CAMK1D: variants seen among roughly 807,000 people sequenced by gnomAD.
The protein encoded by CAMK1D is calcium/calmodulin-dependent protein kinase type 1D.
Under a neutral mutation model 47.7 loss-of-function variants are expected in CAMK1D, and 9 were observed. The ratio of observed to expected loss-of-function variants is 0.19; its 90% CI spans 0.11 to 0.33. The LOEUF is 0.33. Ranked by LOEUF, CAMK1D falls within the 10% of genes least tolerant of loss-of-function variation. The pLI is 1.00. For missense variants in CAMK1D, 291 were observed against 488.7 expected, an observed-to-expected ratio of 0.60 and a Z score of 3.81; for synonymous variants, 184 against 184.9, an observed-to-expected ratio of 0.99 and a Z score of 0.04.
chr10:12,675,924 G>A (rs1840792382), intron 3 of CAMK1D, among the ~76,000 whole-genome samples: 2 of 151,938 alleles, frequency 1.3e-5, no homozygotes, highest in African/African-American at 2.4e-5. Context: ...TGCTGGAATC[G>A]CTTATCTTTT....
intron 2 of CAMK1D, among the ~76,000 whole-genome samples, chr10:12,587,095 T>C (rs1359274110): frequency 2.6e-5 from 4 of 152,204 alleles, no homozygotes; most frequent in Admixed American, 6.5e-5. Context: ...TTGAGGCTCC[T>C]CCTTGGTAAG....
chr10:12,622,898 C>T (rs1588700090), intron 2 of CAMK1D, among the ~76,000 whole-genome samples: 1 of 151,972 alleles, frequency 6.6e-6, no homozygotes, highest in Admixed American at 6.6e-5. Flanking sequence ...CCACAACAGT[C>T]AAGGCTTGTG....
intron 5 of CAMK1D, among the ~76,000 whole-genome samples, chr10:12,789,054 G>GA (rs1233633923): frequency 6.6e-6 from 1 of 152,200 alleles, no homozygotes; most frequent in East Asian, 1.9e-4. Context: ...TCTTGCTCAG[G>GA]AATATATTTA....
chr10:12,563,668 A>AGAGAGG (rs201525861), intron 2 of CAMK1D, among the ~76,000 whole-genome samples: 45 of 125,150 alleles, frequency 3.6e-4, no homozygotes, highest in African/African-American at 1.1e-3. Flanking sequence ...AAGGTTTGAG[A>AGAGAGG]GAGAGAGAGA....
chr10:12,601,287 T>G (rs1838296453), intron 2 of CAMK1D, among the ~76,000 whole-genome samples: 1 of 152,116 alleles, frequency 6.6e-6, no homozygotes, highest in Non-Finnish European at 1.5e-5. Context: ...GAGCAAGTTT[T>G]CATTGCATGA....
At chr10:12,383,731 C>G (rs906518786) in intron 1 of CAMK1D, among the ~76,000 whole-genome samples, 2 of 152,192 alleles carry the variant, frequency 1.3e-5, no homozygotes, top group African/African-American at 4.8e-5. Context: ...TTTAAAAAGT[C>G]TACTCACAGA....
intron 6 of CAMK1D, among the ~76,000 whole-genome samples, chr10:12,793,589 G>GT (rs1423693793): frequency 6.6e-6 from 1 of 152,046 alleles, no homozygotes; most frequent in Non-Finnish European, 1.5e-5. Context: ...CAACCAATTC[G>GT]TTTCCTGGTG....
At chr10:12,418,962 G>A (rs1329648074) in intron 1 of CAMK1D, among the ~76,000 whole-genome samples, 3 of 152,178 alleles carry the variant, frequency 2.0e-5, no homozygotes, top group African/African-American at 2.4e-5. Context: ...TGGTGTGTCC[G>A]AAGCCGTTGC....
chr10:12,596,421 G>A lies in CAMK1D; in HGVS notation c.224+43065G>A, dbSNP rs532831300. ...GAGGTCCCCAGTTAGAGGTTAGTTGGCAGTTTCTGATTGGTTAGGCTTACA... is the reference window on the plus strand; with the variant it reads ...GAGGTCCCCAGTTAGAGGTTAGTTGACAGTTTCTGATTGGTTAGGCTTACA... On this transcript the variant is annotated intron_variant, in intron 2 of 10. Transcript: ENST00000619168. Among the ~76,000 whole-genome samples the A allele has an allele frequency of 1.2e-4, 18 of 152,230 alleles. No homozygotes were observed. The South Asian group carries it at 3.5e-3, about 30-fold the overall frequency.
chr10:12,659,929 C>T (rs777015023), intron 2 of CAMK1D, among the ~76,000 whole-genome samples: 63 of 152,278 alleles, frequency 4.1e-4, no homozygotes, highest in African/African-American at 5.8e-4. Context: ...GATTGCGGCT[C>T]GTTGACGTAA....
At chr10:12,363,665 GT>G (rs1165886868) in intron 1 of CAMK1D, among the ~76,000 whole-genome samples, 17,931 of 117,094 alleles carry the variant, frequency 0.15, 1,224 homozygotes, top group Middle Eastern at 0.29. Context: ...GTTTCCTAAG[GT>G]TTTTTTTTTT....
intron 1 of CAMK1D, among the ~76,000 whole-genome samples, chr10:12,478,091 C>T (rs1382731670): frequency 6.0e-5 from 9 of 150,430 alleles, no homozygotes; most frequent in East Asian, 2.0e-4. Context: ...CTGCAAGCTC[C>T]GCCTCCCGGG....
chr10:12,554,315 C>T (rs1477235312), intron 2 of CAMK1D, among the ~76,000 whole-genome samples: 1 of 122,712 alleles, frequency 8.1e-6, no homozygotes, highest in African/African-American at 2.7e-5. Flanking sequence ...GCCATCATGC[C>T]CAGCTAATTT....
intron 1 of CAMK1D, among the ~76,000 whole-genome samples, chr10:12,458,385 ATGTGTTCATC>A (rs1833321196): frequency 6.6e-6 from 1 of 152,058 alleles, no homozygotes; most frequent in Non-Finnish European, 1.5e-5. Context: ...ACATATTCCT[ATGTGTTCATC>A]ATGCATTTGC....
chr10:12,777,453 A>C (rs1241625023), intron 5 of CAMK1D, among the ~76,000 whole-genome samples: 1 of 146,696 alleles, frequency 6.8e-6, no homozygotes, highest in African/African-American at 2.5e-5. Context: ...GCTCACTGCA[A>C]CCTCTGCCTC....
At chr10:12,691,401 ATAAATATATATATATATATATTTT>A (rs1832910680) in intron 3 of CAMK1D, among the ~76,000 whole-genome samples, 5 of 7,112 alleles carry the variant, frequency 7.0e-4, no homozygotes, top group African/African-American at 2.6e-3. Context: ...ATATATATAT[ATAAATATATATATATATATATTTT>A]TTTTTTTTTT....
intron 3 of CAMK1D, among the ~76,000 whole-genome samples, chr10:12,732,045 C>T (rs899542728): frequency 4.6e-5 from 7 of 152,120 alleles, no homozygotes; most frequent in African/African-American, 1.2e-4. Flanking sequence ...AGTTTGAGAA[C>T]AGCCTGACCA....
intron 1 of CAMK1D, among the ~76,000 whole-genome samples, chr10:12,359,507 C>T (rs73587011): frequency 0.01 from 1,535 of 151,608 alleles, 21 homozygotes; most frequent in African/African-American, 0.026. Context: ...TCAGCCCTCC[C>T]CCTGGGTAGC....
At chr10:12,423,855 G>GT (rs1229207666) in intron 1 of CAMK1D, among the ~76,000 whole-genome samples, 2 of 152,184 alleles carry the variant, frequency 1.3e-5, no homozygotes, top group Admixed American at 1.3e-4. Flanking sequence ...TGAGTGGTGT[G>GT]TATCTGAAAT....
Sources: allele counts gnomAD v4.1 joint callset (sites outside exome capture counted in the v4.1 genomes callset), GRCh38; gene constraint gnomAD v4.1.1; transcripts MANE v1.5; gene names NCBI Gene and HGNC (gene_info 2026-07-23, HGNC 2026-07-21).